FRY: variants seen among roughly 807,000 people sequenced by gnomAD.
The protein encoded by FRY is protein furry homolog.
In FRY, 128 loss-of-function variants were observed where a neutral mutation model predicts 348.4. The observed-to-expected ratio is 0.37, with a 90% CI of 0.32 to 0.43. The LOEUF (loss-of-function observed/expected upper bound fraction) is 0.43, where lower values mean the gene tolerates loss of function less well. FRY is among the 20% of genes least tolerant of loss of function. The pLI is 1.00. For synonymous variants in FRY, 1,370 were observed against 1,374.7 expected, an observed-to-expected ratio of 1.00 and a Z score of 0.08; for missense variants, 2,736 against 3,695.2, an observed-to-expected ratio of 0.74 and a Z score of 6.73.
intron 2 of FRY, chr13:32,085,900 C>T (rs767257690): frequency 2.3e-5 from 12 of 518,854 alleles, no homozygotes; most frequent in South Asian, 1.4e-4. Context: ...TCTTAGCCCT[C>T]CAGGTGCTCA....
intron 53 of FRY, among the ~76,000 whole-genome samples, chr13:32,262,831 T>C (rs990866377): frequency 1.3e-5 from 2 of 152,134 alleles, no homozygotes. Context: ...TAAAACAATA[T>C]GCTAAGTGAG....
chr13:32,124,786 C>G lies in FRY; in HGVS notation c.636-9C>G. The G allele has an allele frequency of 6.2e-7, 1 of 1,600,626 alleles. No individual in the cohort carries two copies. Among genetic ancestry groups the G allele is most frequent in the Non-Finnish European group, 8.6e-7 (1 of 1,167,686 alleles). ...GGATCCCTAACTTGTCTAATTATAC[C>G]CTACTTAGGTACCTTGGTCCCAACA... On this transcript the variant is annotated splice_polypyrimidine_tract_variant and intron_variant, in intron 6 of 60. Coordinates refer to ENST00000542859, the MANE Select transcript of FRY (RefSeq NM_023037.3).
chr13:32,096,563 G>A (rs1876733749), intron 2 of FRY, among the ~76,000 whole-genome samples: 1 of 152,086 alleles, frequency 6.6e-6, no homozygotes, highest in Non-Finnish European at 1.5e-5. Flanking sequence ...GGCCCAGGTG[G>A]GCGGATCACC....
intron 43 of FRY, 67 bp downstream of exon 43, chr13:32,236,239 A>C (rs1425042948): frequency 5.9e-6 from 7 of 1,176,858 alleles, no homozygotes; most frequent in Non-Finnish European, 8.9e-6. Context: ...GAGATGCTGG[A>C]CTTTAGGAAA....
rs183102934 is a variant in FRY at position 32,096,780 on chromosome 13, G to C, written c.271-5183G>C. 4.3e-3 allele frequency among the ~76,000 whole-genome samples: 519 copies of C among 119,640 alleles called. 2 individuals carry two copies. The highest frequency in any genetic ancestry group is 0.016 in the African/African-American group (488 of 31,282). 78.5% of individuals were successfully genotyped at this position (119,640 alleles called of 152,430 possible). ...ATCATGCCACTGCCATTCAGCCTGGGTGACAGAGCAAGACTCTGTCTCAAA... is the reference window on the plus strand; with the variant it reads ...ATCATGCCACTGCCATTCAGCCTGGCTGACAGAGCAAGACTCTGTCTCAAA... On this transcript the variant is annotated intron_variant, in intron 2 of 60. Coordinates refer to ENST00000542859, the MANE Select transcript of FRY (RefSeq NM_023037.3).
intron 2 of FRY, among the ~76,000 whole-genome samples, chr13:32,090,515 T>C (rs1876226429): frequency 6.6e-6 from 1 of 152,066 alleles, no homozygotes; most frequent in African/African-American, 2.4e-5. Context: ...GATGGAGCCA[T>C]GTCCTGAAGG....
chr13:32,056,241 A>T (rs150787448), intron 1 of FRY, among the ~76,000 whole-genome samples: 151 of 151,374 alleles, frequency 1.0e-3, no homozygotes, highest in Non-Finnish European at 1.9e-3. Flanking sequence ...AGAATGGGTG[A>T]TCTTTGGAGG....
At position 32,131,158 on chromosome 13, in the gene FRY, A is replaced by T. The variant is rs148068073; in HGVS notation, c.717-514A>T. ...TTAACCCAAAAATATATTTTTCAAT[A>T]ATCATTATCCTACAACTATAAAGGA... On this transcript the variant is annotated intron_variant, in intron 7 of 60. Coordinates refer to ENST00000542859, the MANE Select transcript of FRY (RefSeq NM_023037.3). Among the ~76,000 whole-genome samples the T allele has an allele frequency of 2.2e-3, 334 of 152,340 alleles. 2 individuals carry two copies. Among genetic ancestry groups the T allele is most frequent in the African/African-American group, 7.4e-3 (309 of 41,574 alleles).
Position 32,064,874 on chromosome 13 carries a change from C to G in FRY, c.71-13960C>G, listed in dbSNP as rs572795877. 3.9e-5 allele frequency among the ~76,000 whole-genome samples: 6 copies of G among 152,150 alleles called. No individual in the cohort carries two copies. In the East Asian group the frequency reaches 5.8e-4, roughly 15 times the overall value. ...TGATCACACTCATAGTCTTTTGAAG[C>G]GAAAATAGTTCTGAAAGGGCCGTAA... On this transcript the variant is annotated intron_variant, in intron 1 of 60. Transcript: ENST00000542859.
intron 11 of FRY, among the ~76,000 whole-genome samples, chr13:32,142,011 T>TG (rs943359243): frequency 7.0e-6 from 1 of 142,966 alleles, no homozygotes; most frequent in African/African-American, 3.0e-5. Flanking sequence ...AGAAGAATGG[T>TG]TTTTTTTGAT....
intron 3 of FRY, among the ~76,000 whole-genome samples, chr13:32,102,473 T>A (rs2138635180): frequency 6.6e-6 from 1 of 152,290 alleles, no homozygotes; most frequent in Admixed American, 6.5e-5. Flanking sequence ...TGATACAAAA[T>A]CTAAGATAAC....
At chr13:32,195,591 T>G (rs1375518789) in intron 29 of FRY, among the ~76,000 whole-genome samples, 1 of 152,194 alleles carries the variant, frequency 6.6e-6, no homozygotes, top group Admixed American at 6.5e-5. Flanking sequence ...TTTATTGCAT[T>G]GCATGGACAT....
chr13:32,117,803 T>A (rs1343989045), intron 4 of FRY, among the ~76,000 whole-genome samples: 1 of 152,200 alleles, frequency 6.6e-6, no homozygotes, highest in African/African-American at 2.4e-5. Flanking sequence ...CTTCAGGCCT[T>A]GCGTGACATG....
intron 2 of FRY, among the ~76,000 whole-genome samples, chr13:32,087,418 C>A (rs1474586329): frequency 6.6e-6 from 1 of 152,164 alleles, no homozygotes; most frequent in African/African-American, 2.4e-5. Context: ...GGACAACTCT[C>A]CTGTTACCCC....
intron 47 of FRY, among the ~76,000 whole-genome samples, chr13:32,246,176 C>G (rs1886787254): frequency 6.6e-6 from 1 of 152,230 alleles, no homozygotes; most frequent in African/African-American, 2.4e-5. Context: ...TACTTTTTAT[C>G]TTAACTCAAA....
rs1885028043 is a variant in FRY, at chr13:32,216,969, TA to T, written c.4683-1778del. On this transcript the variant is annotated intron_variant, in intron 35 of 60. Transcript: ENST00000542859. ...CCAAGCTCATTACAGTACATTTCTG[TA>T]ATTCAGCAAATCCAAATCACTGATG... Among the ~76,000 whole-genome samples, 5 of 152,362 alleles carry T rather than the reference TA, an allele frequency of 3.3e-5. No individual in the cohort carries two copies. The South Asian group carries it at 1.0e-3, about 32-fold the overall frequency.
chr13:32,097,447 C>T (rs1566068964), intron 2 of FRY, among the ~76,000 whole-genome samples: 1 of 150,734 alleles, frequency 6.6e-6, no homozygotes, highest in Non-Finnish European at 1.5e-5. Context: ...CTGCAACCTC[C>T]ACCTCCTGGT....
chr13:32,224,499 T>A, intron 37 of FRY, 114 bp downstream of exon 37: 1 of 936,928 alleles, frequency 1.1e-6, no homozygotes, highest in African/African-American at 1.6e-5. Flanking sequence ...TATCAATCAG[T>A]GGGATCCTGC....
At chr13:32,047,013 C>T (rs1873049934) in intron 1 of FRY, among the ~76,000 whole-genome samples, 1 of 152,114 alleles carries the variant, frequency 6.6e-6, no homozygotes, top group Non-Finnish European at 1.5e-5. Context: ...AAAAGAGACT[C>T]TACCTGATGT....
Sources: gnomAD v4.1 joint callset for allele counts (sites outside exome capture counted in the v4.1 genomes callset) on GRCh38, gnomAD v4.1.1 for gene constraint, MANE v1.5 for transcripts, NCBI Gene and HGNC (gene_info 2026-07-23, HGNC 2026-07-21) for gene names.